Variants in HYDIN observed in about 807,000 individuals in gnomAD.
HYDIN encodes HYDIN axonemal central pair apparatus protein.
A neutral mutation model predicts 403.9 loss-of-function variants in HYDIN; 132 were observed. The ratio of observed to expected loss-of-function variants is 0.33; its 90% CI spans 0.28 to 0.38. The LOEUF (loss-of-function observed/expected upper bound fraction) is 0.38, where lower values mean the gene tolerates loss of function less well. HYDIN is among the 10% of genes least tolerant of loss of function. The probability of loss-of-function intolerance (pLI) is 1.00; values close to 1 mark genes in which losing one functional copy is unlikely to be tolerated. For synonymous variants in HYDIN, 1,202 were observed against 1,891.7 expected (o/e 0.64, Z 9.46); for missense variants, 2,827 against 5,009.5 (o/e 0.56, Z 13.15).
At chr16:70,988,876 GGT>G (rs2079256704) in intron 25 of HYDIN, among the ~76,000 whole-genome samples, 1 of 148,978 alleles carries the variant, frequency 6.7e-6, no homozygotes, top group Non-Finnish European at 1.5e-5. Flanking sequence ...TGTGTCTGAA[GGT>G]GTGTGTGTGT....
At chr16:71,071,840 C>T (rs1347594808) in intron 13 of HYDIN, among the ~76,000 whole-genome samples, 2 of 152,016 alleles carry the variant, frequency 1.3e-5, no homozygotes, top group African/African-American at 2.4e-5. Context: ...GGACAAAATG[C>T]TAAATTATAA....
At chr16:71,189,444 A>T (rs2087312253) in intron 1 of HYDIN, among the ~76,000 whole-genome samples, 1 of 152,182 alleles carries the variant, frequency 6.6e-6, no homozygotes, top group Admixed American at 6.5e-5. Context: ...AACCACAGAG[A>T]GAAAACAATT....
chr16:71,226,033 G>T (rs2041018258), intron 1 of HYDIN, among the ~76,000 whole-genome samples: 1 of 152,184 alleles, frequency 6.6e-6, no homozygotes, highest in Non-Finnish European at 1.5e-5. Flanking sequence ...AATGCCAGCA[G>T]ATATTTTTGG....
At chr16:71,117,709 T>G (rs565977063) in intron 9 of HYDIN, among the ~76,000 whole-genome samples, 2 of 152,128 alleles carry the variant, frequency 1.3e-5, no homozygotes, top group East Asian at 3.9e-4. Flanking sequence ...CCCTGGTGCA[T>G]TCTCTATTTG....
At chr16:71,081,805 T>C (rs1022449487) in intron 12 of HYDIN, among the ~76,000 whole-genome samples, 6 of 151,168 alleles carry the variant, frequency 4.0e-5, no homozygotes, top group African/African-American at 1.2e-4. Flanking sequence ...AGAGAGAGAA[T>C]GATTCAATTA....
intron 1 of HYDIN, 135 bp downstream of exon 1, chr16:71,230,427 A>T: frequency 9.6e-7 from 1 of 1,045,454 alleles, no homozygotes. Flanking sequence ...GGGAAGGCTG[A>T]GGAGGGGAGG....
At chr16:71,051,645 C>G (rs920165361) in intron 18 of HYDIN, among the ~76,000 whole-genome samples, 1 of 120,204 alleles carries the variant, frequency 8.3e-6, no homozygotes, top group Non-Finnish European at 1.7e-5. Flanking sequence ...GACTCTGTCT[C>G]AAAAAAAAAA....
chr16:70,958,699 G>A (rs1311583226), intron 39 of HYDIN, among the ~76,000 whole-genome samples: 1 of 151,434 alleles, frequency 6.6e-6, no homozygotes, highest in Non-Finnish European at 1.5e-5. Context: ...TCAAAGGAAG[G>A]GGTAATGAAT....
intron 37 of HYDIN, among the ~76,000 whole-genome samples, chr16:70,962,425 A>C (rs1443556092): frequency 6.6e-6 from 1 of 152,198 alleles, no homozygotes; most frequent in Non-Finnish European, 1.5e-5. Context: ...GAATTCAGCT[A>C]CAAAAAGAGT....
rs149032726 is a variant in HYDIN at position 70,908,526 on chromosome 16, G to A, written c.8214-92C>T. 211 of 1,500,798 alleles carry A rather than the reference G, an allele frequency of 1.4e-4. 2 individuals are homozygous for A. In the Middle Eastern group the frequency reaches 1.4e-3, roughly 10 times the overall value. The allele number at this position is 1,500,798 out of a possible 1,614,324, so 93.0% of individuals were successfully genotyped here. On this transcript the variant is annotated intron_variant, in intron 48 of 85. Transcript: ENST00000393567. ...CTGCCTGGAAGTCCTGTCCTGTTGG[G>A]GTGGGCATGGTGGCCCCTGGAGCCC... is the stretch of plus-strand genomic sequence containing the variant.
chr16:71,111,328 T>C (rs2083823806), intron 10 of HYDIN, among the ~76,000 whole-genome samples: 1 of 151,926 alleles, frequency 6.6e-6, no homozygotes, highest in African/African-American at 2.4e-5. Context: ...GTGCTTCACC[T>C]TGACCACAAA....
intron 3 of HYDIN, among the ~76,000 whole-genome samples, chr16:71,181,661 A>G (rs1468712567): frequency 6.6e-6 from 1 of 152,190 alleles, no homozygotes; most frequent in Non-Finnish European, 1.5e-5. Flanking sequence ...AAAAAAGTCA[A>G]AGAGCACAAA....
Position 70,809,904 on chromosome 16 carries a change from A to C in HYDIN, c.14762T>G (p.Leu4921Arg), listed in dbSNP as rs755338143. ...DLGYYQYELY[L>R]KATPALPEKP... is the part of the protein sequence containing the mutation. ...TTCCGGAAGTGCTGGCGTGGCTTTC[A>C]GATAGAGCTCATATTGGTAGTAACC... is the stretch of plus-strand genomic sequence containing the variant. The change falls in exon 85 of 86, where the codon CTG (leucine) becomes CGG (arginine). Residue 4921 changes from leucine to arginine, a missense_variant. Coordinates refer to ENST00000393567, the MANE Select transcript of HYDIN (RefSeq NM_001270974.2). The C allele has an allele frequency of 6.2e-7, 1 of 1,614,208 alleles. No homozygotes were observed. The highest frequency in any genetic ancestry group is 8.5e-7 in the Non-Finnish European group (1 of 1,180,022).
intron 9 of HYDIN, among the ~76,000 whole-genome samples, chr16:71,116,048 A>T (rs1051621169): frequency 1.3e-5 from 2 of 152,018 alleles, no homozygotes; most frequent in African/African-American, 4.8e-5. Flanking sequence ...CTCTCTTAGC[A>T]AGTACCCAAC....
At chr16:71,090,516 A>C (rs1368773339) in intron 11 of HYDIN, 1 of 152,174 alleles carries the variant, frequency 6.6e-6, no homozygotes, top group East Asian at 1.9e-4. Context: ...TTTGTTTTTT[A>C]AGAGACAGGG....
intron 84 of HYDIN, among the ~76,000 whole-genome samples, 158 bp downstream of exon 84, chr16:70,818,184 G>A (rs905099202): frequency 1.3e-5 from 2 of 152,008 alleles, no homozygotes; most frequent in Admixed American, 1.3e-4. Flanking sequence ...TTAGCAACAA[G>A]AAAAGGAACA....
chr16:71,189,453 T>C (rs1034231072), intron 1 of HYDIN, among the ~76,000 whole-genome samples: 9 of 152,020 alleles, frequency 5.9e-5, no homozygotes, highest in Admixed American at 2.6e-4. Context: ...GAGAAAACAA[T>C]TATTCCAACC....
At chr16:71,170,886 A>G (rs533212045) in intron 5 of HYDIN, among the ~76,000 whole-genome samples, 3 of 152,194 alleles carry the variant, frequency 2.0e-5, no homozygotes, top group Non-Finnish European at 4.4e-5. Flanking sequence ...ATGAAGCCAG[A>G]CTGGTCATGC....
chr16:71,086,651 A>G (rs2082937786), intron 12 of HYDIN, among the ~76,000 whole-genome samples: 1 of 152,214 alleles, frequency 6.6e-6, no homozygotes, highest in African/African-American at 2.4e-5. Flanking sequence ...TTACGTATGA[A>G]GGCTTGCTTA....
Sources: allele counts gnomAD v4.1 joint callset (sites outside exome capture counted in the v4.1 genomes callset), GRCh38; gene constraint gnomAD v4.1.1; transcripts MANE v1.5; gene names NCBI Gene and HGNC (gene_info 2026-07-23, HGNC 2026-07-21).